The following SORCS2 variants were observed in gnomAD, a reference collection of about 807,000 sequenced individuals.
The protein encoded by SORCS2 is VPS10 domain-containing receptor SorCS2.
A neutral mutation model predicts 141.6 loss-of-function variants in SORCS2; 100 were observed. The ratio of observed to expected loss-of-function variants is 0.71; its 90% CI spans 0.60 to 0.83. The LOEUF is 0.83. Among genes scored for constraint, SORCS2 ranks in the 40% least tolerant of loss-of-function variants. The pLI is 0.00. For synonymous variants in SORCS2, 789 were observed against 676.9 expected (o/e 1.17, Z -2.57); for missense variants, 1,646 against 1,560.2 (o/e 1.05, Z -0.93).
chr4:7,422,942 C>T (rs1036066177), intron 2 of SORCS2, among the ~76,000 whole-genome samples: 50 of 152,144 alleles, frequency 3.3e-4, no homozygotes, highest in African/African-American at 1.1e-3. Context: ...CTCTCCATGG[C>T]CAGATCTCTA....
At chr4:7,439,510 C>T (rs1727520315) in intron 2 of SORCS2, among the ~76,000 whole-genome samples, 1 of 152,220 alleles carries the variant, frequency 6.6e-6, no homozygotes, top group African/African-American at 2.4e-5. Flanking sequence ...CTTCACACAC[C>T]TGCAGAACGC....
intron 2 of SORCS2, among the ~76,000 whole-genome samples, chr4:7,518,379 C>A (rs1733117320): frequency 1.3e-5 from 2 of 152,180 alleles, no homozygotes; most frequent in Non-Finnish European, 2.9e-5. Context: ...CTGCCCTGTC[C>A]ATCAGCCCGT....
chr4:7,687,947 G>C (rs1723978384), intron 10 of SORCS2, among the ~76,000 whole-genome samples: 1 of 152,142 alleles, frequency 6.6e-6, no homozygotes, highest in African/African-American at 2.4e-5. Flanking sequence ...CCTGCTCCGG[G>C]CATTGCTCAT....
chr4:7,644,576 C>T (rs1720949956), intron 4 of SORCS2, among the ~76,000 whole-genome samples: 1 of 152,214 alleles, frequency 6.6e-6, no homozygotes, highest in Admixed American at 6.5e-5. Flanking sequence ...AAACGAGGCA[C>T]CCTGGAGTGA....
intron 14 of SORCS2, among the ~76,000 whole-genome samples, chr4:7,711,789 C>T (rs751284127): frequency 2.8e-4 from 43 of 152,346 alleles, no homozygotes; most frequent in Middle Eastern, 6.8e-3. Context: ...GTAAAACGGG[C>T]GGACCCGGCC....
intron 18 of SORCS2, among the ~76,000 whole-genome samples, chr4:7,719,561 C>T (rs61067913): frequency 0.01 from 1,570 of 152,282 alleles, 24 homozygotes; most frequent in African/African-American, 0.035. Flanking sequence ...AGGCTGCTGA[C>T]GGAGATGGGG....
At chr4:7,395,100 T>C (rs112852482) in intron 1 of SORCS2, among the ~76,000 whole-genome samples, 7 of 152,338 alleles carry the variant, frequency 4.6e-5, no homozygotes, top group Non-Finnish European at 8.8e-5. Context: ...CTGGCCTTGA[T>C]TGACAAGGCC....
chr4:7,554,442 G>C (rs1460711221), intron 3 of SORCS2, among the ~76,000 whole-genome samples: 1 of 152,164 alleles, frequency 6.6e-6, no homozygotes, highest in Non-Finnish European at 1.5e-5. Context: ...TGTCCTCTCT[G>C]TGCTGACACT....
chr4:7,413,339 A>G (rs868731154), intron 2 of SORCS2, among the ~76,000 whole-genome samples: 2 of 149,440 alleles, frequency 1.3e-5, no homozygotes, highest in African/African-American at 2.5e-5. Context: ...TAGAATTCCA[A>G]TTGAATTATG....
chr4:7,676,824 T>TCC lies in SORCS2; in HGVS notation c.1341+596_1341+597insCC, dbSNP rs1553902879. Among the ~76,000 whole-genome samples, 237 of 49,046 alleles carry TCC rather than the reference T, an allele frequency of 4.8e-3. 27 individuals carry two copies. Among genetic ancestry groups the TCC allele is most frequent in the African/African-American group, 0.017 (196 of 11,300 alleles). 32.2% of individuals were successfully genotyped at this position (49,046 alleles called of 152,430 possible). On this transcript the variant is annotated intron_variant, in intron 9 of 26. Coordinates refer to ENST00000507866, the MANE Select transcript of SORCS2 (RefSeq NM_020777.3). ...TTCTGTCTCTCTCTCTCTCTCTCTC[T>TCC]CTCTCCCTCTCTCCACCCCAGCCCT... is the stretch of plus-strand genomic sequence containing the variant.
At chr4:7,498,679 A>T (rs1731779164) in intron 2 of SORCS2, among the ~76,000 whole-genome samples, 1 of 152,208 alleles carries the variant, frequency 6.6e-6, no homozygotes, top group African/African-American at 2.4e-5. Flanking sequence ...CCAAGATCAT[A>T]TGAGGAGGAA....
At chr4:7,343,279 T>G (rs2108992797) in intron 1 of SORCS2, among the ~76,000 whole-genome samples, 1 of 152,334 alleles carries the variant, frequency 6.6e-6, no homozygotes, top group East Asian at 1.9e-4. Context: ...CATTTGGGTG[T>G]CATGCCAAAG....
At chr4:7,677,990 G>A (rs1468016732) in intron 9 of SORCS2, among the ~76,000 whole-genome samples, 2 of 152,156 alleles carry the variant, frequency 1.3e-5, no homozygotes, top group East Asian at 1.9e-4. Context: ...GGTGGGGTGG[G>A]ACTCCACGGC....
rs1332507805 is a variant in SORCS2, at chr4:7,675,945, A to G, written c.1162-105A>G. On this transcript the variant is annotated intron_variant, in intron 8 of 26. Coordinates refer to ENST00000507866, the MANE Select transcript of SORCS2 (RefSeq NM_020777.3). ...ACCTAGGCCAGGCTGGCTCCAGGAGAGCCAGGGGTCTTCTGCACCCTCACG... is the reference window on the plus strand; with the variant it reads ...ACCTAGGCCAGGCTGGCTCCAGGAGGGCCAGGGGTCTTCTGCACCCTCACG... 8 of 1,323,040 alleles carry G rather than the reference A, an allele frequency of 6.0e-6. No homozygotes were observed. The East Asian group carries it at 2.0e-4, about 34-fold the overall frequency. The allele number at this position is 1,323,040 out of a possible 1,614,324, so 82.0% of individuals were successfully genotyped here.
chr4:7,360,681 C>A (rs1382131806), intron 1 of SORCS2, among the ~76,000 whole-genome samples: 1 of 146,392 alleles, frequency 6.8e-6, no homozygotes, highest in African/African-American at 2.5e-5. Context: ...CAGGCTCAAG[C>A]GATCGATCCT....
At chr4:7,689,359 T>A in intron 10 of SORCS2, 127 bp from the exon 11 acceptor site, 1 of 800,068 alleles carries the variant, frequency 1.2e-6, no homozygotes, top group Middle Eastern at 2.4e-4. Flanking sequence ...CATCCGTTCC[T>A]CCAAGGCACT....
intron 2 of SORCS2, among the ~76,000 whole-genome samples, chr4:7,506,529 G>T (rs533127440): frequency 1.1e-3 from 174 of 152,116 alleles, no homozygotes; most frequent in African/African-American, 4.1e-3. Flanking sequence ...GACATCCCGA[G>T]ATCTACTCTG....
intron 2 of SORCS2, among the ~76,000 whole-genome samples, chr4:7,515,888 C>T (rs926330534): frequency 1.1e-4 from 16 of 152,170 alleles, no homozygotes; most frequent in African/African-American, 2.4e-4. Context: ...GCTTGGTTGC[C>T]GTGTCACCTC....
At chr4:7,332,556 G>A (rs965398792) in intron 1 of SORCS2, among the ~76,000 whole-genome samples, 1 of 152,342 alleles carries the variant, frequency 6.6e-6, no homozygotes, top group Non-Finnish European at 1.5e-5. Flanking sequence ...GGCTGGGCAT[G>A]TTGACGGCAG....
Sources: allele counts gnomAD v4.1 joint callset (sites outside exome capture counted in the v4.1 genomes callset), GRCh38; gene constraint gnomAD v4.1.1; transcripts MANE v1.5; gene names NCBI Gene and HGNC (gene_info 2026-07-23, HGNC 2026-07-21).